S100A8: variants seen among roughly 807,000 people sequenced by gnomAD.
The protein encoded by S100A8 is S100 calcium binding protein A8.
S100A8 carries 1 observed loss-of-function variant against 4.2 expected under a neutral mutation model. That is an observed-to-expected ratio of 0.24 (90% CI 0.08 to 1.12). S100A8 has a LOEUF of 1.12. Among genes scored for constraint, S100A8 ranks in the 50% most tolerant of loss-of-function variants. The pLI, the probability that S100A8 is intolerant of heterozygous loss-of-function variation, is 0.53. For synonymous variants in S100A8, 41 were observed against 44.7 expected, an observed-to-expected ratio of 0.92 and a Z score of 0.33; for missense variants, 96 against 111.8, an observed-to-expected ratio of 0.86 and a Z score of 0.64.
the S100A8 span, among the ~76,000 whole-genome samples, chr1:153,397,391 C>T: frequency 2.0e-5 from 3 of 152,152 alleles, no homozygotes; most frequent in South Asian, 6.2e-4. Context: ...GAGCGCAGAA[C>T]AAGGGAAAGG....
upstream of S100A8, among the ~76,000 whole-genome samples, chr1:153,395,231 C>T (rs115600198): frequency 0.015 from 2,217 of 152,206 alleles, 62 homozygotes; most frequent in African/African-American, 0.051. Context: ...GGAAGCCTTC[C>T]TGGGTTGACT....
the S100A8 span, among the ~76,000 whole-genome samples, chr1:153,397,993 C>G: frequency 2.0e-5 from 3 of 152,222 alleles, no homozygotes; most frequent in Admixed American, 6.5e-5. Flanking sequence ...ACAGGACCAC[C>G]AACAATCACT....
chr1:153,394,893 T>C (rs933405748), upstream of S100A8, among the ~76,000 whole-genome samples: 2 of 152,150 alleles, frequency 1.3e-5, no homozygotes, highest in Non-Finnish European at 2.9e-5. Context: ...CAACACTCTT[T>C]CAAAATCCAT....
the S100A8 span, among the ~76,000 whole-genome samples, chr1:153,409,270 G>C: frequency 6.6e-6 from 1 of 152,246 alleles, no homozygotes; most frequent in East Asian, 1.9e-4. Flanking sequence ...TCAAAATAAA[G>C]GGATGAAGGA....
the S100A8 span, among the ~76,000 whole-genome samples, chr1:153,414,428 AC>A: frequency 6.6e-5 from 10 of 152,236 alleles, no homozygotes; most frequent in African/African-American, 2.4e-4. Context: ...CACAAACCAA[AC>A]AATTAGAAAA....
At chr1:153,399,542 TC>T in the S100A8 span, among the ~76,000 whole-genome samples, 1 of 152,172 alleles carries the variant, frequency 6.6e-6, no homozygotes, top group Non-Finnish European at 1.5e-5. Flanking sequence ...TGAAGCACAT[TC>T]ATTCCTTCAT....
the S100A8 span, chr1:153,418,148 A>T: frequency 3.7e-6 from 6 of 1,614,094 alleles, no homozygotes; most frequent in South Asian, 5.5e-5. Flanking sequence ...AATACACCGG[A>T]CGTGATGGCA....
chr1:153,414,079 C>CT, the S100A8 span, among the ~76,000 whole-genome samples: 21,153 of 151,640 alleles, frequency 0.14, 1,626 homozygotes, highest in African/African-American at 0.22. Context: ...TCTTCTGTTC[C>CT]TTTTTTTTAT....
chr1:153,411,587 A>T, the S100A8 span, among the ~76,000 whole-genome samples: 14 of 152,362 alleles, frequency 9.2e-5, no homozygotes, highest in East Asian at 2.5e-3. Flanking sequence ...TGCCATCCCC[A>T]TCAAGCTACC....
upstream of S100A8, among the ~76,000 whole-genome samples, chr1:153,393,747 A>G (rs553121734): frequency 6.6e-6 from 1 of 152,304 alleles, no homozygotes; most frequent in African/African-American, 2.4e-5. Flanking sequence ...GCACCATATC[A>G]TATTTTCAAA....
chr1:153,405,791 C>T, the S100A8 span, among the ~76,000 whole-genome samples: 1 of 152,004 alleles, frequency 6.6e-6, no homozygotes, highest in East Asian at 1.9e-4. Context: ...CTTTTTTTAA[C>T]CCTTGCCTTC....
chr1:153,392,908 C>T (rs1019402658), upstream of S100A8, among the ~76,000 whole-genome samples: 7 of 152,210 alleles, frequency 4.6e-5, no homozygotes, highest in African/African-American at 1.7e-4. Flanking sequence ...CTGATCAGAG[C>T]AAATCATGAC....
chr1:153,395,211 C>T (rs1449316781), upstream of S100A8, among the ~76,000 whole-genome samples: 1 of 152,160 alleles, frequency 6.6e-6, no homozygotes, highest in African/African-American at 2.4e-5. Context: ...CCCAACCCTT[C>T]TCTCCCTCAG....
At chr1:153,404,166 T>C in the S100A8 span, among the ~76,000 whole-genome samples, 132 of 152,256 alleles carry the variant, frequency 8.7e-4, no homozygotes, top group African/African-American at 3.2e-3. Flanking sequence ...CCAGGCCCAC[T>C]CCAGGAGCCC....
the S100A8 span, among the ~76,000 whole-genome samples, chr1:153,399,920 TGCACAA>T: frequency 6.6e-6 from 1 of 152,036 alleles, no homozygotes; most frequent in East Asian, 1.9e-4. Context: ...GTCCACAGGG[TGCACAA>T]TGAGAAGTTA....
chr1:153,417,475 T>A, the S100A8 span, among the ~76,000 whole-genome samples: 1,739 of 152,314 alleles, frequency 0.011, 32 homozygotes, highest in African/African-American at 0.039. Context: ...AAGGGCCCCC[T>A]GTCCTCGGGA....
At position 153,390,570 on chromosome 1, in the gene S100A8, A is replaced by T; in HGVS notation, c.-22-13T>A. 6.2e-7 allele frequency: 1 copy of T among 1,613,210 alleles called. No homozygotes were observed. Among genetic ancestry groups the T allele is most frequent in the South Asian group, 1.1e-5 (1 of 90,990 alleles). On this transcript the variant is annotated splice_polypyrimidine_tract_variant and intron_variant, in intron 1 of 2. Transcript: ENST00000368733. ...GGACTTGCCCCACCTGAAAAACAGA[A>T]CCTTCTGGGGAATCCCATGGCAGGG...
the S100A8 span, among the ~76,000 whole-genome samples, chr1:153,400,639 AG>A: frequency 3.2e-3 from 484 of 152,318 alleles, 1 homozygote; most frequent in Non-Finnish European, 4.1e-3. Context: ...AGATTTCCCC[AG>A]CAAACAAGTG....
At chr1:153,409,875 G>A in the S100A8 span, among the ~76,000 whole-genome samples, 1 of 152,308 alleles carries the variant, frequency 6.6e-6, no homozygotes, top group South Asian at 2.1e-4. Flanking sequence ...CCTCCTGAAT[G>A]ACTACTGGGT....
Sources: gnomAD v4.1 joint callset for allele counts (sites outside exome capture counted in the v4.1 genomes callset) on GRCh38, gnomAD v4.1.1 for gene constraint, MANE v1.5 for transcripts, NCBI Gene and HGNC (gene_info 2026-07-23, HGNC 2026-07-21) for gene names.